The following RASGRP3 variants were observed in gnomAD, a reference collection of about 807,000 sequenced individuals.
RASGRP3 encodes the protein ras guanyl-releasing protein 3.
A neutral mutation model predicts 82.7 loss-of-function variants in RASGRP3; 54 were observed. The ratio of observed to expected loss-of-function variants is 0.65; its 90% confidence interval spans 0.52 to 0.82. RASGRP3 has a LOEUF of 0.82. Ranked by LOEUF, RASGRP3 falls within the 40% of genes least tolerant of loss-of-function variation. The probability of loss-of-function intolerance (pLI) is 0.00; values close to 1 mark genes in which losing one functional copy is unlikely to be tolerated. For synonymous variants in RASGRP3, 309 were observed against 300.5 expected (o/e 1.03, Z -0.29); for missense variants, 861 against 828.9 (o/e 1.04, Z -0.48).
chr2:33,506,329 A>C (rs891729444), intron 1 of RASGRP3, among the ~76,000 whole-genome samples: 1 of 152,196 alleles, frequency 6.6e-6, no homozygotes, highest in Non-Finnish European at 1.5e-5. Flanking sequence ...GAAAAACATA[A>C]ATTTTTGGAG....
intron 10 of RASGRP3, 64 bp from the exon 11 acceptor site, chr2:33,534,259 T>A: frequency 8.6e-7 from 1 of 1,167,524 alleles, no homozygotes; most frequent in Non-Finnish European, 1.3e-6. Flanking sequence ...GAAAAAAAAT[T>A]CAGCAACGTA....
At chr2:33,556,859 T>G (rs532168911) in intron 15 of RASGRP3, among the ~76,000 whole-genome samples, 82 of 150,350 alleles carry the variant, frequency 5.5e-4, no homozygotes, top group African/African-American at 1.9e-3. Flanking sequence ...GTCATTAGTT[T>G]TATTCTGGTT....
At chr2:33,538,430 G>C (rs4670189) in intron 11 of RASGRP3, among the ~76,000 whole-genome samples, 19,947 of 151,920 alleles carry the variant, frequency 0.13, 1,649 homozygotes, top group Admixed American at 0.17. Flanking sequence ...TTGAACTTGG[G>C]AGGCAGAGGT....
intron 1 of RASGRP3, among the ~76,000 whole-genome samples, chr2:33,486,212 T>TG (rs1045475937): frequency 2.0e-5 from 3 of 151,306 alleles, no homozygotes; most frequent in Non-Finnish European, 4.4e-5. Context: ...TCACCTAGTC[T>TG]GGGGTATAGT....
chr2:33,529,265 C>T (rs557309046), intron 10 of RASGRP3, among the ~76,000 whole-genome samples: 25 of 151,624 alleles, frequency 1.6e-4, no homozygotes, highest in East Asian at 7.7e-4. Context: ...GAGGCCAAGG[C>T]GGGCAGATCA....
chr2:33,451,974 A>C (rs1665823823), intron 2 of RASGRP3, among the ~76,000 whole-genome samples: 1 of 151,744 alleles, frequency 6.6e-6, no homozygotes, highest in African/African-American at 2.4e-5. Flanking sequence ...CTTTGAGCTC[A>C]CTGATTCTTT....
In RASGRP3 at chr2:33,555,274, A is replaced by G. The variant is rs1288760552; in HGVS notation, c.1543-257A>G. 5 of 331,662 alleles carry G rather than the reference A, an allele frequency of 1.5e-5. No homozygotes were observed. The East Asian group carries it at 2.1e-4, about 14-fold the overall frequency. The allele number at this position is 331,662 out of a possible 1,614,324, so 20.5% of individuals were successfully genotyped here. Reference sequence around the variant, plus strand: ...AGCGCATCAGGCCAAAGTCTGGTGCATCAAACTTTAGTAGTTTCCCATCCC... The same window carrying G: ...AGCGCATCAGGCCAAAGTCTGGTGCGTCAAACTTTAGTAGTTTCCCATCCC... On this transcript the variant is annotated intron_variant, in intron 14 of 17. Transcript: ENST00000403687.
At chr2:33,477,209 T>A (rs776618916) in intron 1 of RASGRP3, among the ~76,000 whole-genome samples, 1 of 152,212 alleles carries the variant, frequency 6.6e-6, no homozygotes, top group Non-Finnish European at 1.5e-5. Context: ...TTTGAGAATA[T>A]CTCATTTAAC....
intron 1 of RASGRP3, among the ~76,000 whole-genome samples, chr2:33,483,145 A>T (rs1291672376): frequency 6.6e-6 from 1 of 152,186 alleles, no homozygotes; most frequent in Non-Finnish European, 1.5e-5. Flanking sequence ...TAAATGGAGA[A>T]TTCAACTCAA....
rs1465402089 is a variant in RASGRP3, at chr2:33,523,979, A to G, written c.617A>G (p.Gln206Arg). ...TTTAATGGAATCTCTAAGTGGGTCC[A>G]GTTGATGGTTCTTAGCAAACCAACC... is the stretch of plus-strand genomic sequence containing the variant. ...ALFNGISKWV[Q>R]LMVLSKPTPQ... Residue 206 changes from glutamine to arginine, a missense_variant, in exon 8 of 18, where the codon CAG becomes CGG. Physicochemically the swap from Gln to Arg is conservative, Grantham distance 43. Coordinates refer to ENST00000403687, the MANE Select transcript of RASGRP3 (RefSeq NM_001139488.2). The G allele has an allele frequency of 6.2e-7, 1 of 1,613,998 alleles. No individual in the cohort carries two copies. The highest frequency in any genetic ancestry group is 1.1e-5 in the South Asian group (1 of 91,076).
intron 1 of RASGRP3, among the ~76,000 whole-genome samples, chr2:33,490,751 C>G (rs1362951056): frequency 6.6e-6 from 1 of 152,184 alleles, no homozygotes; most frequent in Non-Finnish European, 1.5e-5. Flanking sequence ...TGATAAATCC[C>G]AATTGTAAAT....
intron 2 of RASGRP3, among the ~76,000 whole-genome samples, chr2:33,464,478 TA>T (rs869137733): frequency 0.011 from 1,453 of 133,988 alleles, 20 homozygotes; most frequent in African/African-American, 0.036. Flanking sequence ...GATCTTTTTT[TA>T]AAAAAAAAAA....
At chr2:33,467,621 A>C (rs556332869) in intron 2 of RASGRP3, among the ~76,000 whole-genome samples, 1 of 152,228 alleles carries the variant, frequency 6.6e-6, no homozygotes, top group African/African-American at 2.4e-5. Flanking sequence ...AGTGCTTCAA[A>C]TTAACAGCAG....
intron 2 of RASGRP3, among the ~76,000 whole-genome samples, chr2:33,459,292 G>A (rs1477249677): frequency 3.3e-5 from 5 of 151,868 alleles, no homozygotes; most frequent in African/African-American, 4.8e-5. Context: ...CCGCCACCAC[G>A]CCCTGCTAAT....
chr2:33,494,720 A>T (rs1574335577), intron 1 of RASGRP3, among the ~76,000 whole-genome samples: 1 of 152,340 alleles, frequency 6.6e-6, no homozygotes, highest in East Asian at 1.9e-4. Context: ...TTTACAAAGT[A>T]AAGTATTGAG....
At chr2:33,476,756 T>A (rs1667407605) in intron 1 of RASGRP3, 49 bp downstream of exon 1, 1 of 102,544 alleles carries the variant, frequency 9.8e-6, no homozygotes, top group Admixed American at 1.2e-4. Context: ...TCATTCCCTC[T>A]CCGTGTGTGT....
At chr2:33,558,117 G>T in intron 15 of RASGRP3, 94 bp from the exon 16 acceptor site, 2 of 1,466,074 alleles carry the variant, frequency 1.4e-6, no homozygotes, top group African/African-American at 1.4e-5. Context: ...AAACTGGGGT[G>T]GGGGAGGGGA....
intron 13 of RASGRP3, among the ~76,000 whole-genome samples, chr2:33,548,300 G>A (rs1033984531): frequency 1.4e-5 from 2 of 144,088 alleles, no homozygotes; most frequent in South Asian, 2.3e-4. Context: ...GGCGGAGCTT[G>A]CAGTGAGCCG....
At chr2:33,446,217 G>T (rs1345094273) in intron 1 of RASGRP3, among the ~76,000 whole-genome samples, 1 of 152,166 alleles carries the variant, frequency 6.6e-6, no homozygotes, top group Non-Finnish European at 1.5e-5. Context: ...GAGTGCAGTG[G>T]TGCAATCTTT....
Sources: gnomAD v4.1 joint callset for allele counts (sites outside exome capture counted in the v4.1 genomes callset) on GRCh38, gnomAD v4.1.1 for gene constraint, MANE v1.5 for transcripts, NCBI Gene and HGNC (gene_info 2026-07-23, HGNC 2026-07-21) for gene names.